The following DKK3 variants were observed in gnomAD, a reference collection of about 807,000 sequenced individuals.
DKK3 encodes the protein dickkopf-related protein 3.
A neutral mutation model predicts 33.2 loss-of-function variants in DKK3; 22 were observed. The observed-to-expected ratio is 0.66, with a 90% CI of 0.47 to 0.95. The LOEUF (loss-of-function observed/expected upper bound fraction) is 0.95, where lower values mean the gene tolerates loss of function less well. Ranked by LOEUF, DKK3 falls within the 40% of genes least tolerant of loss-of-function variation. The probability of loss-of-function intolerance (pLI) is 0.00; values close to 1 mark genes in which losing one functional copy is unlikely to be tolerated. For missense variants in DKK3, 398 were observed against 458.4 expected (o/e 0.87, Z 1.20); for synonymous variants, 194 against 188.8 (o/e 1.03, Z -0.23).
rs757818538 is a variant in DKK3, at chr11:11,998,781, T to C, written c.352-2A>G. 4.3e-6 allele frequency: 7 copies of C among 1,612,102 alleles called. No homozygotes were observed. The highest frequency in any genetic ancestry group is 3.3e-5 in the Admixed American group (2 of 60,022). ...TTGTCCAGTCTGGTTGTTGGTTATC[T>C]ACAGTAAAACAGGTACAATGAAAGT... On this transcript the variant is annotated splice_acceptor_variant, in intron 2 of 6. Coordinates refer to ENST00000683431, the MANE Select transcript of DKK3 (RefSeq NM_001018057.2). LOFTEE classifies it high-confidence loss of function.
chr11:12,009,304 G>A, upstream of DKK3: 1 of 982,972 alleles, frequency 1.0e-6, no homozygotes, highest in Non-Finnish European at 1.2e-6. Context: ...GGCGGGGTGC[G>A]GCAGCGCCGG....
At chr11:12,005,181 C>T (rs953760793) in intron 1 of DKK3, among the ~76,000 whole-genome samples, 2 of 152,176 alleles carry the variant, frequency 1.3e-5, no homozygotes, top group Non-Finnish European at 2.9e-5. Flanking sequence ...CTGGGCTGAG[C>T]AGATAGTCTT....
rs1848574395 is a variant in DKK3 at position 12,008,053 on chromosome 11, T to C, written c.213+317A>G. Reference sequence around the variant, plus strand: ...GAATACCAGGGGCCCTGCAAACCTCTGCTGACAATAGGGAAGGCCAACGGC... The same window carrying C: ...GAATACCAGGGGCCCTGCAAACCTCCGCTGACAATAGGGAAGGCCAACGGC... On this transcript the variant is annotated intron_variant, in intron 1 of 6. Transcript: ENST00000683431. This position sits in a 1 kb window ranked among gnomAD's most constrained non-coding sequence, Gnocchi z 4.6. 6.6e-6 allele frequency among the ~76,000 whole-genome samples: 1 copy of C among 152,090 alleles called. No homozygotes were observed. The highest frequency in any genetic ancestry group is 1.5e-5 in the Non-Finnish European group (1 of 68,020).
At chr11:11,978,271 T>C (rs1400820162) in intron 3 of DKK3, among the ~76,000 whole-genome samples, 2 of 152,168 alleles carry the variant, frequency 1.3e-5, no homozygotes, top group African/African-American at 4.8e-5. Flanking sequence ...TCAGGGTGCC[T>C]GCTCCTGACC....
intron 1 of DKK3, among the ~76,000 whole-genome samples, chr11:12,005,713 T>C (rs1040618736): frequency 6.6e-6 from 1 of 152,126 alleles, no homozygotes; most frequent in Non-Finnish European, 1.5e-5. Context: ...TGTAAACAAA[T>C]AATGCATCTG....
chr11:12,000,203 TG>T (rs1848394866), intron 2 of DKK3, among the ~76,000 whole-genome samples: 1 of 152,112 alleles, frequency 6.6e-6, no homozygotes, highest in Non-Finnish European at 1.5e-5. Flanking sequence ...TTTGTTTGTT[TG>T]TTTGTTTGTT....
chr11:11,995,462 TA>T (rs1347038311), intron 3 of DKK3, among the ~76,000 whole-genome samples: 1 of 152,134 alleles, frequency 6.6e-6, no homozygotes, highest in East Asian at 1.9e-4. Context: ...TGTGTTCACC[TA>T]GATACAAACC....
intron 3 of DKK3, among the ~76,000 whole-genome samples, chr11:11,977,282 C>A (rs970104635): frequency 1.4e-4 from 22 of 151,746 alleles, no homozygotes; most frequent in African/African-American, 5.1e-4. Context: ...CTCCTATCCT[C>A]CCTCTTCTCC....
rs183430760 is a variant in DKK3 at position 11,984,762 on chromosome 11, G to C, written c.435+13934C>G. ...AAAAAGTCACTTCCCCAGCCCCCTG[G>C]CAGGGCTGCTGGGTGGGGGACGGCG... On this transcript the variant is annotated intron_variant, in intron 3 of 6. Coordinates refer to ENST00000683431, the MANE Select transcript of DKK3 (RefSeq NM_001018057.2). Among the ~76,000 whole-genome samples, 873 of 152,150 alleles carry C rather than the reference G, an allele frequency of 5.7e-3. 7 individuals carry two copies. Among genetic ancestry groups the C allele is most frequent in the Non-Finnish European group, 9.5e-3 (649 of 67,990 alleles).
chr11:11,993,202 TAAAG>T (rs1305142106), intron 3 of DKK3, among the ~76,000 whole-genome samples: 1 of 152,136 alleles, frequency 6.6e-6, no homozygotes, highest in Non-Finnish European at 1.5e-5. Flanking sequence ...CTTTTGAAAA[TAAAG>T]AAATCTATAA....
rs921959283 is a variant in DKK3 at position 11,971,497 on chromosome 11, A to T, written c.436-3010T>A. Among the ~76,000 whole-genome samples, 4 of 152,362 alleles carry T rather than the reference A, an allele frequency of 2.6e-5. No homozygotes were observed. In the East Asian group the frequency reaches 7.7e-4, roughly 29 times the overall value. On this transcript the variant is annotated intron_variant, in intron 3 of 6. Coordinates refer to ENST00000683431, the MANE Select transcript of DKK3 (RefSeq NM_001018057.2). ...GTGTTGAGTGGGTGAAAGCACTTGC[A>T]TCTTACTGTGGCAAACAGGCCAACA...
rs372015096 is a variant in DKK3, at chr11:11,966,057, C to T, written c.674-92G>A. ...AAAGAAATGGAGCATAACCTCCCAC[C>T]TCCCACCCTCAACCCCAAAGTGCAG... On this transcript the variant is annotated intron_variant, in intron 5 of 6. Transcript: ENST00000683431. 468 of 1,417,974 alleles carry T rather than the reference C, an allele frequency of 3.3e-4. 1 individual carries two copies. Among genetic ancestry groups the T allele is most frequent in the South Asian group, 3.1e-3 (218 of 71,344 alleles). The allele number at this position is 1,417,974 out of a possible 1,614,324, so 87.8% of individuals were successfully genotyped here. A position where few individuals can be genotyped will look rare whatever the true frequency, so the allele number is the denominator to read the frequency against.
intron 2 of DKK3, chr11:12,001,955 G>A (rs557826231): frequency 5.3e-6 from 1 of 187,680 alleles, no homozygotes; most frequent in South Asian, 1.4e-4. Flanking sequence ...AAACCTATGA[G>A]ATAGATCAAT....
At chr11:11,973,203 T>C (rs1847761220) in intron 3 of DKK3, among the ~76,000 whole-genome samples, 2 of 152,236 alleles carry the variant, frequency 1.3e-5, no homozygotes, top group Admixed American at 1.3e-4. Flanking sequence ...GACATAGTCC[T>C]TATCCCTACT....
chr11:11,981,020 C>A (rs138551533), intron 3 of DKK3, among the ~76,000 whole-genome samples: 80 of 152,302 alleles, frequency 5.3e-4, no homozygotes, highest in African/African-American at 1.9e-3. Context: ...CAAGGGACTG[C>A]TTCCAGAAAC....
At chr11:11,966,070 C>T in intron 5 of DKK3, 105 bp from the exon 6 acceptor site, 7 of 1,348,430 alleles carry the variant, frequency 5.2e-6, no homozygotes, top group Non-Finnish European at 6.9e-6. Flanking sequence ...CCACCCTCAA[C>T]CCCAAAGTGC....
At chr11:11,990,621 C>T (rs544158286) in intron 3 of DKK3, among the ~76,000 whole-genome samples, 3 of 152,338 alleles carry the variant, frequency 2.0e-5, no homozygotes, top group African/African-American at 4.8e-5. Context: ...GTATTCCTAA[C>T]TCCTTGGCAT....
Position 12,002,393 on chromosome 11 carries a change from G to T in DKK3, c.258C>A (p.Asn86Lys), listed in dbSNP as rs760818999. 1.2e-6 allele frequency: 2 copies of T among 1,613,596 alleles called. No individual in the cohort carries two copies. The highest frequency in any genetic ancestry group is 1.3e-5 in the African/African-American group (1 of 74,782). The change falls in exon 2 of 7, where the codon AAC becomes AAA. Residue 86 changes from asparagine to lysine, a missense_variant. Physicochemically the swap from Asn to Lys is moderately conservative, Grantham distance 94. Coordinates refer to ENST00000683431, the MANE Select transcript of DKK3 (RefSeq NM_001018057.2). The stretch of plus-strand genomic sequence containing the variant: ...GATAGCTGGGAGGTAAGTTTGCCAG[G>T]TTCACTTCTGATGATGCTTTAGCAG... ...EAAAKASSEVNLANLPPSYHN... is the reference protein window; with the variant it reads ...EAAAKASSEVKLANLPPSYHN...
At chr11:11,998,607 A>G (rs1468027632) in intron 3 of DKK3, 89 bp downstream of exon 3, 2 of 1,142,766 alleles carry the variant, frequency 1.8e-6, no homozygotes, top group African/African-American at 3.0e-5. Flanking sequence ...CCTCCTGCCC[A>G]TGGTCTGCAT....
Sources: gnomAD v4.1 joint callset for allele counts (sites outside exome capture counted in the v4.1 genomes callset) on GRCh38, gnomAD v4.1.1 for gene constraint, Gnocchi (gnomAD v3.1) non-coding constraint, MANE v1.5 for transcripts, NCBI Gene and HGNC (gene_info 2026-07-23, HGNC 2026-07-21) for gene names.